Variants in COL23A1 observed in about 807,000 individuals in gnomAD.
The protein encoded by COL23A1 is collagen type XXIII alpha 1 chain, also known as collagen alpha-1(XXIII) chain.
A neutral mutation model predicts 99.3 loss-of-function variants in COL23A1; 97 were observed. The ratio of observed to expected loss-of-function variants is 0.98; its 90% CI spans 0.83 to 1.16. COL23A1 has a LOEUF of 1.16. COL23A1 is among the 50% of genes most tolerant of loss of function. The pLI is 0.00. For synonymous variants in COL23A1, 320 were observed against 308.2 expected (o/e 1.04, Z -0.40); for missense variants, 762 against 757.4 (o/e 1.01, Z -0.07).
intron 2 of COL23A1, among the ~76,000 whole-genome samples, chr5:178,422,135 T>A (rs1406519375): frequency 1.3e-5 from 2 of 152,104 alleles, no homozygotes; most frequent in African/African-American, 4.8e-5. Flanking sequence ...TATGCCCACA[T>A]CTCCAAGCAA....
At chr5:178,479,100 C>CATGATG (rs34923189) in intron 2 of COL23A1, among the ~76,000 whole-genome samples, 27 of 151,154 alleles carry the variant, frequency 1.8e-4, no homozygotes, top group South Asian at 1.0e-3. Flanking sequence ...GGATCACCCT[C>CATGATG]ATGATGATGA....
intron 5 of COL23A1, 78 bp downstream of exon 5, chr5:178,288,246 G>A: frequency 8.1e-7 from 1 of 1,234,618 alleles, no homozygotes; most frequent in South Asian, 1.2e-5. Flanking sequence ...CGCAGACAGA[G>A]TTAAATCAAG....
rs996953139 is a variant in COL23A1 at position 178,589,925 on chromosome 5, G to A, written c.273C>T (p.His91=). 12 of 1,320,294 alleles carry A rather than the reference G, an allele frequency of 9.1e-6. No homozygotes were observed. The highest frequency in any genetic ancestry group is 3.1e-5 in the African/African-American group (2 of 64,626). The allele number at this position is 1,320,294 out of a possible 1,614,324, so 81.8% of individuals were successfully genotyped here. Residue 91 remains histidine, a synonymous_variant, in exon 1 of 29, where the codon CAC becomes CAT. Coordinates refer to ENST00000390654, the MANE Select transcript of COL23A1 (RefSeq NM_173465.4). The surrounding 1 kb of genome is among the most constrained non-coding windows in gnomAD (Gnocchi z 5.4). ...TCACCTCCCGCAGCAGGCGCTCCAG[G>A]TGCGGCTCGGCCCAGGCGTCCAGGG... The part of the protein sequence containing the change: ...PGALDAWAEP[H]LERLLREKLD...
In COL23A1 at chr5:178,308,371, A is replaced by AT. The variant is rs982970641; in HGVS notation, c.362-1453dup. 6.6e-6 allele frequency among the ~76,000 whole-genome samples: 1 copy of AT among 152,160 alleles called. No homozygotes were observed. Among genetic ancestry groups the AT allele is most frequent in the African/African-American group, 2.4e-5 (1 of 41,434 alleles). The stretch of plus-strand genomic sequence containing the variant: ...TAAACAAAACTTAAAAATGAAAAAC[A>AT]TGTTACTTCTTGCTCCCCTGAGTTT... On this transcript the variant is annotated intron_variant, in intron 2 of 28. Coordinates refer to ENST00000390654, the MANE Select transcript of COL23A1 (RefSeq NM_173465.4). The surrounding 1 kb of genome is among the most constrained non-coding windows in gnomAD (Gnocchi z 5.1).
chr5:178,522,475 T>A (rs1760003052), intron 2 of COL23A1, among the ~76,000 whole-genome samples: 2 of 152,084 alleles, frequency 1.3e-5, no homozygotes, highest in South Asian at 4.1e-4. Context: ...GCCAAGAGAT[T>A]GTTCAAAAGC....
At chr5:178,537,876 C>T (rs545706529) in intron 2 of COL23A1, among the ~76,000 whole-genome samples, 89 of 152,318 alleles carry the variant, frequency 5.8e-4, no homozygotes, top group African/African-American at 2.0e-3. Flanking sequence ...TCACCACGTC[C>T]GCCTCCAGAG....
chr5:178,326,920 A>G (rs6870190), intron 2 of COL23A1, among the ~76,000 whole-genome samples: 7,230 of 152,258 alleles, frequency 0.047, 563 homozygotes, highest in African/African-American at 0.16. Context: ...GGGTTTCACC[A>G]TGCTGGTCAG....
At chr5:178,291,843 G>A (rs2127588001) in intron 3 of COL23A1, among the ~76,000 whole-genome samples, 1 of 152,076 alleles carries the variant, frequency 6.6e-6, no homozygotes, top group South Asian at 2.1e-4. Flanking sequence ...AGGATTTTTG[G>A]CTTGAAACAC....
intron 2 of COL23A1, among the ~76,000 whole-genome samples, chr5:178,465,474 A>C (rs1012937523): frequency 6.6e-6 from 1 of 152,198 alleles, no homozygotes; most frequent in Non-Finnish European, 1.5e-5. Context: ...CTTCACACAG[A>C]GGCAGATAAC....
At chr5:178,582,212 A>G (rs1763696908) in intron 1 of COL23A1, among the ~76,000 whole-genome samples, 1 of 149,962 alleles carries the variant, frequency 6.7e-6, no homozygotes, top group Admixed American at 6.6e-5. Context: ...ATCTCAAAAA[A>G]AAAAAAAAAA....
In COL23A1 at chr5:178,546,903, G is replaced by C. The variant is rs367763698; in HGVS notation, c.361+13779C>G. Among the ~76,000 whole-genome samples, 44 of 152,290 alleles carry C rather than the reference G, an allele frequency of 2.9e-4. 1 individual carries two copies. Among genetic ancestry groups the C allele is most frequent in the East Asian group, 2.7e-3 (14 of 5,162 alleles). On this transcript the variant is annotated intron_variant, in intron 2 of 28. Transcript: ENST00000390654. ...GCACCCGAGCTGTGGGGCAGCACAA[G>C]GGGCCTGTGTGAGGCCCCTGGAGGA...
At chr5:178,542,940 C>T (rs1054697676) in intron 2 of COL23A1, among the ~76,000 whole-genome samples, 6 of 152,204 alleles carry the variant, frequency 3.9e-5, no homozygotes, top group African/African-American at 1.4e-4. Flanking sequence ...TGTTAAAGCA[C>T]AGCAAAAGCT....
chr5:178,520,107 G>A (rs1054239816), intron 2 of COL23A1, among the ~76,000 whole-genome samples: 13 of 152,142 alleles, frequency 8.5e-5, no homozygotes, highest in Non-Finnish European at 1.8e-4. Flanking sequence ...TGGATAGATG[G>A]TCTGATAAAT....
intron 2 of COL23A1, among the ~76,000 whole-genome samples, chr5:178,553,008 A>T (rs1762085938): frequency 6.6e-6 from 1 of 152,048 alleles, no homozygotes; most frequent in African/African-American, 2.4e-5. Context: ...GCGCCTGGCC[A>T]GGAAAATTTT....
intron 2 of COL23A1, among the ~76,000 whole-genome samples, chr5:178,516,577 G>A (rs189104379): frequency 1.2e-3 from 187 of 152,220 alleles, no homozygotes; most frequent in Non-Finnish European, 1.6e-3. Flanking sequence ...CCTTCTAACC[G>A]TGCTGAAATC....
intron 2 of COL23A1, among the ~76,000 whole-genome samples, chr5:178,532,640 G>T (rs931976047): frequency 2.0e-5 from 3 of 152,156 alleles, no homozygotes; most frequent in African/African-American, 7.2e-5. Context: ...AATGGGCACC[G>T]TGACTGGGTG....
intron 1 of COL23A1, among the ~76,000 whole-genome samples, chr5:178,571,450 C>T (rs1763090859): frequency 6.6e-6 from 1 of 152,052 alleles, no homozygotes; most frequent in African/African-American, 2.4e-5. Context: ...AAGAATTAAC[C>T]CTAGGGCCTA....
intron 2 of COL23A1, among the ~76,000 whole-genome samples, chr5:178,393,108 C>T (rs980329798): frequency 2.0e-5 from 3 of 152,170 alleles, no homozygotes; most frequent in East Asian, 1.9e-4. Context: ...GCATTGTTGC[C>T]GAAGTAAACG....
rs373149786 is a variant in COL23A1, at chr5:178,247,834, A to G, written c.1213-3T>C. ...CCTGGCTCCACTATGAGCTGAGCCT[A>G]GGGAGGGTGAGAGACAGGTTAGTCA... On this transcript the variant is annotated splice_region_variant and splice_polypyrimidine_tract_variant and intron_variant, in intron 20 of 28. Coordinates refer to ENST00000390654, the MANE Select transcript of COL23A1 (RefSeq NM_173465.4). 6 of 1,611,232 alleles carry G rather than the reference A, an allele frequency of 3.7e-6. No homozygotes were observed. Among genetic ancestry groups the G allele is most frequent in the Non-Finnish European group, 5.1e-6 (6 of 1,178,690 alleles).
Sources: gnomAD v4.1 joint callset for allele counts (sites outside exome capture counted in the v4.1 genomes callset) on GRCh38, gnomAD v4.1.1 for gene constraint, Gnocchi (gnomAD v3.1) non-coding constraint, MANE v1.5 for transcripts, NCBI Gene and HGNC (gene_info 2026-07-23, HGNC 2026-07-21) for gene names.